Variants in SENP7 observed in about 807,000 individuals in gnomAD.
SENP7 encodes sentrin-specific protease 7.
In SENP7, 64 loss-of-function variants were observed where a neutral mutation model predicts 141.2. The ratio of observed to expected loss-of-function variants is 0.45; its 90% CI spans 0.37 to 0.56. The LOEUF is 0.56. Ranked by LOEUF, SENP7 falls within the 20% of genes least tolerant of loss-of-function variation. The pLI is 0.00. For missense variants in SENP7, 1,025 were observed against 1,212.2 expected (o/e 0.85, Z 2.29); for synonymous variants, 382 against 426.4 (o/e 0.90, Z 1.28).
intron 7 of SENP7, among the ~76,000 whole-genome samples, chr3:101,368,334 A>G (rs1323943274): frequency 6.6e-6 from 1 of 151,722 alleles, no homozygotes; most frequent in African/African-American, 2.4e-5. Flanking sequence ...TGGCTGTACT[A>G]TCAAAAAAAA....
intron 3 of SENP7, among the ~76,000 whole-genome samples, chr3:101,482,244 C>T (rs1454116383): frequency 7.9e-5 from 12 of 150,994 alleles, no homozygotes; most frequent in Non-Finnish European, 1.5e-4. Context: ...ATCCAGGAGA[C>T]GGAGCTTGCA....
chr3:101,329,329 A>G (rs574913811), intron 20 of SENP7, among the ~76,000 whole-genome samples: 1 of 152,180 alleles, frequency 6.6e-6, no homozygotes, highest in Non-Finnish European at 1.5e-5. Context: ...AAGAAACTCA[A>G]TTTGAGAAAT....
chr3:101,405,189 C>A (rs2061263220), intron 5 of SENP7, among the ~76,000 whole-genome samples: 1 of 152,080 alleles, frequency 6.6e-6, no homozygotes, highest in African/African-American at 2.4e-5. Flanking sequence ...CCAGCATGAC[C>A]CAGGACACCC....
chr3:101,414,579 C>T, intron 5 of SENP7: 1 of 1,605,298 alleles, frequency 6.2e-7, no homozygotes, highest in Middle Eastern at 1.7e-4. Flanking sequence ...ACATGCACCT[C>T]ATCCCAACTA....
At position 101,481,611 on chromosome 3, in the gene SENP7, A is replaced by T. The variant is rs930580814; in HGVS notation, c.186+12262T>A. Among the ~76,000 whole-genome samples the T allele has an allele frequency of 1.9e-4, 29 of 152,178 alleles. 1 individual carries two copies. The highest frequency in any genetic ancestry group is 5.9e-4 in the Admixed American group (9 of 15,266). On this transcript the variant is annotated intron_variant, in intron 3 of 23. Transcript: ENST00000394095. The stretch of plus-strand genomic sequence containing the variant: ...CGGTGACTATAGTTAACATCAATGT[A>T]TTGTATATTTCAAAGTAACTAGAAG...
intron 3 of SENP7, among the ~76,000 whole-genome samples, chr3:101,486,316 C>G (rs1028269111): frequency 6.6e-6 from 1 of 151,986 alleles, no homozygotes; most frequent in Non-Finnish European, 1.5e-5. Context: ...ATCAGGTTAC[C>G]GAAAGACAAG....
rs181536331 is a variant in SENP7, at chr3:101,511,828, G to A, written c.40+1263C>T. On this transcript the variant is annotated intron_variant, in intron 1 of 23. Coordinates refer to ENST00000394095, the MANE Select transcript of SENP7 (RefSeq NM_020654.5). ...TTTTTTTTGTTTTTTTTTTGTTGTT[G>A]TTGTTGTTTGATACAGAGTCTCGCT... Among the ~76,000 whole-genome samples the A allele has an allele frequency of 4.6e-3, 694 of 151,918 alleles. 4 individuals are homozygous for A. The highest frequency in any genetic ancestry group is 5.3e-3 in the Non-Finnish European group (361 of 67,896).
At chr3:101,447,905 T>C (rs567314352) in intron 4 of SENP7, among the ~76,000 whole-genome samples, 7 of 152,268 alleles carry the variant, frequency 4.6e-5, no homozygotes, top group East Asian at 3.9e-4. Context: ...CAGAATAGAA[T>C]TGAGAATGCA....
intron 4 of SENP7, among the ~76,000 whole-genome samples, chr3:101,424,044 C>T (rs2061871274): frequency 1.3e-5 from 2 of 152,086 alleles, no homozygotes; most frequent in South Asian, 2.1e-4. Flanking sequence ...AGACTTTAGC[C>T]CTAGGGGAAC....
intron 16 of SENP7, among the ~76,000 whole-genome samples, chr3:101,338,166 A>C (rs1166340829): frequency 6.6e-6 from 1 of 151,958 alleles, no homozygotes; most frequent in Non-Finnish European, 1.5e-5. Context: ...AAAAAAAAAA[A>C]AAATTAAAAA....
chr3:101,354,434 A>G (rs922750735), intron 11 of SENP7, among the ~76,000 whole-genome samples: 1 of 151,826 alleles, frequency 6.6e-6, no homozygotes, highest in Non-Finnish European at 1.5e-5. Context: ...TAGGCTCCAG[A>G]GTCTGTTACT....
chr3:101,371,860 T>G (rs1430779042), intron 7 of SENP7, 148 bp downstream of exon 7: 1 of 339,098 alleles, frequency 2.9e-6, no homozygotes, highest in Non-Finnish European at 5.4e-6. Context: ...AGAGTAGGTT[T>G]AGCAATTTTA....
At chr3:101,409,060 A>T in intron 5 of SENP7, among the ~76,000 whole-genome samples, 1 of 152,192 alleles carries the variant, frequency 6.6e-6, no homozygotes, top group East Asian at 1.9e-4. Flanking sequence ...AACTCCTAGA[A>T]CTGATAAAAG....
At chr3:101,407,305 C>A (rs143115349) in intron 5 of SENP7, among the ~76,000 whole-genome samples, 4 of 152,042 alleles carry the variant, frequency 2.6e-5, no homozygotes, top group Admixed American at 2.6e-4. Flanking sequence ...AATAGACCTA[C>A]GAAATGAGAT....
intron 3 of SENP7, among the ~76,000 whole-genome samples, chr3:101,483,933 C>T (rs2064614851): frequency 6.6e-6 from 1 of 152,092 alleles, no homozygotes; most frequent in South Asian, 2.1e-4. Context: ...AAGACTGTGG[C>T]ATGAGATTGC....
intron 4 of SENP7, among the ~76,000 whole-genome samples, chr3:101,440,913 G>A (rs764032596): frequency 6.6e-6 from 1 of 152,138 alleles, no homozygotes; most frequent in Non-Finnish European, 1.5e-5. Context: ...ATTACCATAT[G>A]AGAATGCAGG....
At chr3:101,409,936 G>A (rs566842557) in intron 5 of SENP7, among the ~76,000 whole-genome samples, 13 of 152,244 alleles carry the variant, frequency 8.5e-5, no homozygotes, top group African/African-American at 2.9e-4. Context: ...TAAATTGCTC[G>A]GAGTTAACTG....
At chr3:101,419,492 TAGA>T (rs2061723322) in intron 4 of SENP7, among the ~76,000 whole-genome samples, 1 of 152,180 alleles carries the variant, frequency 6.6e-6, no homozygotes, top group African/African-American at 2.4e-5. Flanking sequence ...AGAGGTAGTT[TAGA>T]AGAATGGTGG....
At chr3:101,344,881 C>T (rs1282655481) in intron 13 of SENP7, among the ~76,000 whole-genome samples, 1 of 149,452 alleles carries the variant, frequency 6.7e-6, no homozygotes, top group East Asian at 2.0e-4. Context: ...GTGGCTCACA[C>T]TTGTAACACT....
Sources: allele counts gnomAD v4.1 joint callset (sites outside exome capture counted in the v4.1 genomes callset), GRCh38; gene constraint gnomAD v4.1.1; transcripts MANE v1.5; gene names NCBI Gene and HGNC (gene_info 2026-07-23, HGNC 2026-07-21).